MYO1D: variants seen among roughly 807,000 people sequenced by gnomAD.
MYO1D encodes the protein myosin ID.
A neutral mutation model predicts 122.0 loss-of-function variants in MYO1D; 83 were observed. The observed-to-expected ratio is 0.68, with a 90% confidence interval of 0.57 to 0.82. MYO1D has a LOEUF of 0.82. MYO1D is among the 40% of genes least tolerant of loss of function. The probability of loss-of-function intolerance (pLI) is 0.00; values close to 1 mark genes in which losing one functional copy is unlikely to be tolerated. For missense variants in MYO1D, 1,157 were observed against 1,269.5 expected (o/e 0.91, Z 1.35); for synonymous variants, 464 against 446.9 (o/e 1.04, Z -0.48).
At chr17:32,723,465 T>C (rs575842680) in intron 14 of MYO1D, among the ~76,000 whole-genome samples, 1 of 152,232 alleles carries the variant, frequency 6.6e-6, no homozygotes, top group Admixed American at 6.5e-5. Context: ...TTTCATCTTG[T>C]CATCTGTAGC....
chr17:32,563,262 C>T (rs534765538), intron 21 of MYO1D, among the ~76,000 whole-genome samples: 98 of 128,726 alleles, frequency 7.6e-4, no homozygotes, highest in Non-Finnish European at 1.1e-3. Flanking sequence ...CAGGCTGGAG[C>T]GTAGTGGCAC....
intron 1 of MYO1D, among the ~76,000 whole-genome samples, chr17:32,870,726 A>G (rs937879185): frequency 2.2e-4 from 34 of 152,294 alleles, no homozygotes; most frequent in Admixed American, 7.8e-4. Flanking sequence ...ATTCTGTAGC[A>G]TCACAGAAAA....
At chr17:32,757,231 G>C (rs2089957502) in intron 10 of MYO1D, among the ~76,000 whole-genome samples, 1 of 152,072 alleles carries the variant, frequency 6.6e-6, no homozygotes, top group South Asian at 2.1e-4. Flanking sequence ...CCTGTAAACT[G>C]GGTAGTTTTT....
At chr17:32,556,893 T>C (rs1004032918) in intron 21 of MYO1D, among the ~76,000 whole-genome samples, 1 of 152,182 alleles carries the variant, frequency 6.6e-6, no homozygotes, top group Non-Finnish European at 1.5e-5. Context: ...ACAGGCTCTT[T>C]GTGGAACCTG....
chr17:32,786,875 T>C (rs9903011), intron 1 of MYO1D, among the ~76,000 whole-genome samples: 5,397 of 151,236 alleles, frequency 0.036, 309 homozygotes, highest in African/African-American at 0.12. Flanking sequence ...TGATAAGATG[T>C]CAGAAGAAAA....
chr17:32,622,707 T>G (rs1370426501), intron 20 of MYO1D, among the ~76,000 whole-genome samples: 2 of 152,218 alleles, frequency 1.3e-5, no homozygotes, highest in Admixed American at 1.3e-4. Context: ...TTCATCCGAC[T>G]CTGATTTCTA....
intron 1 of MYO1D, among the ~76,000 whole-genome samples, chr17:32,802,923 TTTTAG>T (rs888976030): frequency 8.5e-5 from 13 of 152,148 alleles, no homozygotes; most frequent in Non-Finnish European, 1.8e-4. Context: ...TTTGTCTTGG[TTTTAG>T]ATTTGGTGGC....
At chr17:32,625,514 C>T (rs1049482441) in intron 20 of MYO1D, among the ~76,000 whole-genome samples, 76 of 151,868 alleles carry the variant, frequency 5.0e-4, no homozygotes, top group African/African-American at 1.7e-3. Context: ...ATGACACATG[C>T]GATGAATGTT....
At chr17:32,558,016 A>G (rs568307586) in intron 21 of MYO1D, among the ~76,000 whole-genome samples, 10 of 152,212 alleles carry the variant, frequency 6.6e-5, no homozygotes, top group Admixed American at 5.2e-4. Flanking sequence ...CAGGTGTTAC[A>G]AAATATTAAA....
intron 16 of MYO1D, among the ~76,000 whole-genome samples, chr17:32,710,243 C>G (rs2089358338): frequency 6.6e-6 from 1 of 151,998 alleles, no homozygotes; most frequent in Non-Finnish European, 1.5e-5. Flanking sequence ...GAATAGAGCA[C>G]ACAGAGACAG....
intron 21 of MYO1D, among the ~76,000 whole-genome samples, chr17:32,569,405 G>A (rs1158534298): frequency 6.6e-6 from 1 of 152,226 alleles, no homozygotes; most frequent in Non-Finnish European, 1.5e-5. Context: ...TAACTTACAT[G>A]TGGTGTTCTC....
chr17:32,700,232 A>C (rs929719686), intron 16 of MYO1D, among the ~76,000 whole-genome samples: 3 of 152,250 alleles, frequency 2.0e-5, no homozygotes, highest in Non-Finnish European at 4.4e-5. Flanking sequence ...TTTCGGGATG[A>C]AACTGTTCCA....
intron 16 of MYO1D, among the ~76,000 whole-genome samples, chr17:32,710,128 T>C (rs7342850): frequency 0.018 from 2,675 of 152,254 alleles, 89 homozygotes; most frequent in African/African-American, 0.061. Context: ...TTAATCAACC[T>C]TAATAAAGAA....
intron 20 of MYO1D, 104 bp downstream of exon 20, chr17:32,638,618 A>G: frequency 1.5e-6 from 1 of 661,952 alleles, no homozygotes; most frequent in Non-Finnish European, 2.6e-6. Context: ...ATTCATGGGC[A>G]TCCTAAAGCC....
intron 16 of MYO1D, among the ~76,000 whole-genome samples, chr17:32,667,374 C>A (rs908302048): frequency 6.6e-6 from 1 of 152,102 alleles, no homozygotes; most frequent in East Asian, 1.9e-4. Context: ...CATGTTTTTA[C>A]CGGACTAGCA....
Position 32,778,514 on chromosome 17 carries a change from T to A in MYO1D, c.364A>T (p.Ile122Phe), listed in dbSNP as rs1379658515. 3 of 1,614,024 alleles carry A rather than the reference T, an allele frequency of 1.9e-6. No homozygotes were observed. Among genetic ancestry groups the A allele is most frequent in the Admixed American group, 1.7e-5 (1 of 60,008 alleles). Residue 122 changes from isoleucine (I) to phenylalanine (F), a missense_variant, in exon 3 of 22, where the codon ATC (isoleucine) becomes TTC (phenylalanine). Coordinates refer to ENST00000318217, the MANE Select transcript of MYO1D (RefSeq NM_015194.3). Reference protein sequence around the residue: ...SKYIMQYIAAITNPSQRAEVE... With the variant: ...SKYIMQYIAAFTNPSQRAEVE... ...TCTGCTCTCTGACTGGGGTTGGTGA[T>A]GGCCGCAATATACTGCATAATGTAC...
intron 15 of MYO1D, among the ~76,000 whole-genome samples, chr17:32,714,820 TTAAAC>T (rs1376246637): frequency 6.6e-6 from 1 of 151,842 alleles, no homozygotes; most frequent in Admixed American, 6.6e-5. Flanking sequence ...AAATGACAAA[TTAAAC>T]TAAAGAGCTT....
intron 21 of MYO1D, chr17:32,497,105 C>G (rs1000376904): frequency 2.6e-5 from 4 of 152,400 alleles, no homozygotes; most frequent in East Asian, 1.9e-4. Flanking sequence ...TGCCGGGGTT[C>G]GGGCTGGTGG....
intron 20 of MYO1D, among the ~76,000 whole-genome samples, chr17:32,605,509 G>A (rs372031741): frequency 2.0e-5 from 3 of 152,012 alleles, no homozygotes; most frequent in South Asian, 2.1e-4. Context: ...TCAGTTTCAC[G>A]GAACAAGCAG....
Sources: allele counts gnomAD v4.1 joint callset (sites outside exome capture counted in the v4.1 genomes callset), GRCh38; gene constraint gnomAD v4.1.1; transcripts MANE v1.5; gene names NCBI Gene and HGNC (gene_info 2026-07-23, HGNC 2026-07-21).